The following TMEM132D variants were observed in gnomAD, a reference collection of about 807,000 sequenced individuals.
The protein encoded by TMEM132D is transmembrane protein 132D.
In TMEM132D, 21 loss-of-function variants were observed where a neutral mutation model predicts 62.3. The ratio of observed to expected loss-of-function variants is 0.34; its 90% CI spans 0.24 to 0.49. TMEM132D has a LOEUF of 0.49. Among genes scored for constraint, TMEM132D ranks in the 20% least tolerant of loss-of-function variants. The pLI is 0.99. For missense variants in TMEM132D, 1,346 were observed against 1,402.8 expected (o/e 0.96, Z 0.65); for synonymous variants, 621 against 575.6 (o/e 1.08, Z -1.13).
chr12:129,504,982 C>G (rs1593041563), intron 3 of TMEM132D, among the ~76,000 whole-genome samples: 1 of 152,258 alleles, frequency 6.6e-6, no homozygotes, highest in South Asian at 2.1e-4. Context: ...ACTGATAATT[C>G]AAGAACAGGT....
intron 5 of TMEM132D, among the ~76,000 whole-genome samples, chr12:129,165,721 A>G (rs113328909): frequency 2.6e-5 from 4 of 152,130 alleles, no homozygotes; most frequent in African/African-American, 9.6e-5. Context: ...CTGCCATGTT[A>G]AAAACAAAGC....
intron 3 of TMEM132D, among the ~76,000 whole-genome samples, chr12:129,472,485 G>A (rs889317951): frequency 8.5e-5 from 13 of 152,084 alleles, no homozygotes; most frequent in South Asian, 8.3e-4. Context: ...TAATGCATGC[G>A]GGGCTTAAAA....
chr12:129,232,250 G>A (rs927851453), intron 4 of TMEM132D, among the ~76,000 whole-genome samples: 44 of 152,174 alleles, frequency 2.9e-4, no homozygotes, highest in Admixed American at 1.0e-3. Flanking sequence ...TGATTCCAGA[G>A]TGCCTTCTAC....
At chr12:129,305,825 T>C (rs1477137772) in intron 4 of TMEM132D, among the ~76,000 whole-genome samples, 1 of 152,148 alleles carries the variant, frequency 6.6e-6, no homozygotes, top group Non-Finnish European at 1.5e-5. Flanking sequence ...GCTGGGTGCA[T>C]AGTAAGAATC....
intron 3 of TMEM132D, among the ~76,000 whole-genome samples, chr12:129,492,502 A>G (rs1292462459): frequency 6.6e-6 from 1 of 152,178 alleles, no homozygotes; most frequent in Non-Finnish European, 1.5e-5. Context: ...ATATAACTAC[A>G]TGTAGCCCCC....
chr12:129,603,098 C>T (rs954035834), intron 2 of TMEM132D, among the ~76,000 whole-genome samples: 2 of 152,174 alleles, frequency 1.3e-5, no homozygotes, highest in South Asian at 4.1e-4. Flanking sequence ...GGTGGGGACA[C>T]AGAGCCAAAC....
intron 2 of TMEM132D, among the ~76,000 whole-genome samples, chr12:129,629,162 T>A (rs1879295636): frequency 6.6e-6 from 1 of 152,086 alleles, no homozygotes; most frequent in Non-Finnish European, 1.5e-5. Flanking sequence ...ACTCCCTCCA[T>A]CTGGGATATT....
intron 3 of TMEM132D, among the ~76,000 whole-genome samples, chr12:129,474,634 G>A (rs925519742): frequency 2.6e-5 from 4 of 152,152 alleles, no homozygotes; most frequent in Admixed American, 6.5e-5. Context: ...GTCCCTTCGC[G>A]TTGACAGCTG....
chr12:129,280,831 T>C (rs887870974), intron 4 of TMEM132D, among the ~76,000 whole-genome samples: 1 of 152,124 alleles, frequency 6.6e-6, no homozygotes, highest in African/African-American at 2.4e-5. Flanking sequence ...ATATAATATA[T>C]ATACACACAA....
intron 5 of TMEM132D, among the ~76,000 whole-genome samples, chr12:129,157,630 T>G (rs1337671921): frequency 6.6e-6 from 1 of 152,228 alleles, no homozygotes; most frequent in Non-Finnish European, 1.5e-5. Flanking sequence ...ACACAAATTA[T>G]ATAAAATTCC....
intron 1 of TMEM132D, among the ~76,000 whole-genome samples, chr12:129,864,920 C>A (rs1401753888): frequency 8.5e-5 from 13 of 152,158 alleles, no homozygotes; most frequent in African/African-American, 2.9e-4. Flanking sequence ...AAGGTTCAGT[C>A]GTGCAAGATG....
rs1217092451 is a variant in TMEM132D, at chr12:129,089,268, G to A, written c.1444-4566C>T. 7.2e-5 allele frequency among the ~76,000 whole-genome samples: 3 copies of A among 41,454 alleles called. 1 individual carries two copies. Among genetic ancestry groups the A allele is most frequent in the Admixed American group, 2.5e-4 (1 of 3,940 alleles). The allele number at this position is 41,454 out of a possible 152,430, so 27.2% of individuals were successfully genotyped here. ...CCCTGACCGGGTGTCCTCCATGACC[G>A]GGATGTCCTCCATGACCGGGTGTCC... On this transcript the variant is annotated intron_variant, in intron 5 of 8. Coordinates refer to ENST00000422113, the MANE Select transcript of TMEM132D (RefSeq NM_133448.3).
At chr12:129,523,715 C>T (rs1875925138) in intron 3 of TMEM132D, among the ~76,000 whole-genome samples, 1 of 152,170 alleles carries the variant, frequency 6.6e-6, no homozygotes, top group South Asian at 2.1e-4. Flanking sequence ...GCAAATCTCA[C>T]ACTCCCTCAT....
chr12:129,875,270 A>AC (rs1272045079), intron 1 of TMEM132D, among the ~76,000 whole-genome samples: 3 of 152,192 alleles, frequency 2.0e-5, no homozygotes, highest in Non-Finnish European at 4.4e-5. Flanking sequence ...GGGCTTTCAC[A>AC]CTGGCCCTAG....
intron 2 of TMEM132D, among the ~76,000 whole-genome samples, chr12:129,588,260 C>T (rs139236847): frequency 6.6e-6 from 1 of 152,332 alleles, no homozygotes; most frequent in African/African-American, 2.4e-5. Flanking sequence ...ATAGGTTAAG[C>T]CACAGTCTTC....
intron 4 of TMEM132D, among the ~76,000 whole-genome samples, chr12:129,285,976 A>T (rs1484661645): frequency 6.6e-6 from 1 of 152,040 alleles, no homozygotes; most frequent in Non-Finnish European, 1.5e-5. Flanking sequence ...TTCAGATAAG[A>T]TGCTTTTTAA....
chr12:129,228,294 G>T (rs1220496758), intron 4 of TMEM132D, among the ~76,000 whole-genome samples: 2 of 152,132 alleles, frequency 1.3e-5, no homozygotes, highest in African/African-American at 4.8e-5. Flanking sequence ...TCAGCTCCTT[G>T]CTCAAGACCT....
At chr12:129,489,601 G>C (rs1874700128) in intron 3 of TMEM132D, among the ~76,000 whole-genome samples, 1 of 152,178 alleles carries the variant, frequency 6.6e-6, no homozygotes, top group Non-Finnish European at 1.5e-5. Flanking sequence ...AATAATGTCA[G>C]TTTTATGTAT....
At chr12:129,238,245 C>T (rs764888654) in intron 4 of TMEM132D, among the ~76,000 whole-genome samples, 3 of 152,144 alleles carry the variant, frequency 2.0e-5, no homozygotes, top group Admixed American at 6.5e-5. Context: ...GTTTTTAAGA[C>T]TAAAATCTTC....
Sources: allele counts gnomAD v4.1 joint callset (sites outside exome capture counted in the v4.1 genomes callset), GRCh38; gene constraint gnomAD v4.1.1; transcripts MANE v1.5; gene names NCBI Gene and HGNC (gene_info 2026-07-23, HGNC 2026-07-21).